The following EYS variants were observed in gnomAD, a reference collection of about 807,000 sequenced individuals.
The protein encoded by EYS is EGF-like photoreceptor maintenance factor.
In EYS, 250 loss-of-function variants were observed where a neutral mutation model predicts 282.1. That is an observed-to-expected ratio of 0.89 (90% CI 0.80 to 0.98). The LOEUF (loss-of-function observed/expected upper bound fraction) is 0.98, where lower values mean the gene tolerates loss of function less well. EYS is among the 50% of genes least tolerant of loss of function. The pLI, the probability that EYS is intolerant of heterozygous loss-of-function variation, is 0.00. For missense variants in EYS, 4,016 were observed against 3,709.0 expected, an observed-to-expected ratio of 1.08 and a Z score of -2.15; for synonymous variants, 1,355 against 1,282.9, an observed-to-expected ratio of 1.06 and a Z score of -1.20.
intron 36 of EYS, among the ~76,000 whole-genome samples, chr6:63,860,287 A>G (rs943911958): frequency 1.3e-5 from 2 of 152,212 alleles, no homozygotes; most frequent in African/African-American, 4.8e-5. Flanking sequence ...TTGTGACTCA[A>G]AAATATTGAA....
intron 2 of EYS, among the ~76,000 whole-genome samples, chr6:65,606,570 A>G (rs1765802707): frequency 6.6e-6 from 1 of 151,868 alleles, no homozygotes; most frequent in Non-Finnish European, 1.5e-5. Flanking sequence ...TTGGACAATG[A>G]CAATCGTAAT....
At chr6:63,994,091 G>A (rs1767725685) in intron 34 of EYS, among the ~76,000 whole-genome samples, 1 of 151,930 alleles carries the variant, frequency 6.6e-6, no homozygotes, top group African/African-American at 2.4e-5. Context: ...ATGCAAAAGA[G>A]TGTCATTTTA....
At chr6:65,580,833 C>A in intron 2 of EYS, among the ~76,000 whole-genome samples, 1 of 152,020 alleles carries the variant, frequency 6.6e-6, no homozygotes, top group Non-Finnish European at 1.5e-5. Flanking sequence ...CTTCAAGTGT[C>A]ATGTCTCCCC....
At chr6:65,490,455 A>G (rs1360724588) in intron 5 of EYS, 139 bp downstream of exon 5, 2 of 577,470 alleles carry the variant, frequency 3.5e-6, no homozygotes, top group Non-Finnish European at 6.3e-6. Context: ...ATTAAACTTT[A>G]CCATAAAAGA....
intron 22 of EYS, among the ~76,000 whole-genome samples, chr6:64,672,551 A>G (rs1200803137): frequency 6.6e-6 from 1 of 152,166 alleles, no homozygotes; most frequent in African/African-American, 2.4e-5. Flanking sequence ...TATGATGGGG[A>G]TATTGTATTG....
chr6:65,027,329 A>C (rs2150141814), intron 13 of EYS, among the ~76,000 whole-genome samples: 1 of 152,310 alleles, frequency 6.6e-6, no homozygotes, highest in East Asian at 1.9e-4. Context: ...AAACTTTTCT[A>C]ATAAATCTGA....
At chr6:64,709,208 T>G (rs1771127051) in intron 22 of EYS, among the ~76,000 whole-genome samples, 1 of 152,200 alleles carries the variant, frequency 6.6e-6, no homozygotes, top group Non-Finnish European at 1.5e-5. Context: ...GCATGTATAT[T>G]TTTATAACTT....
intron 29 of EYS, chr6:64,377,772 A>G (rs1456412967): frequency 2.0e-5 from 3 of 152,068 alleles, no homozygotes; most frequent in Admixed American, 2.0e-4. Context: ...CGATCTCTCC[A>G]TTGTGGTCTA....
intron 28 of EYS, among the ~76,000 whole-genome samples, chr6:64,431,302 C>T (rs1013695977): frequency 6.6e-6 from 1 of 152,042 alleles, no homozygotes; most frequent in African/African-American, 2.4e-5. Flanking sequence ...TATAAAAACA[C>T]CAATTATATT....
intron 2 of EYS, among the ~76,000 whole-genome samples, chr6:65,590,860 T>A (rs927176479): frequency 6.6e-6 from 1 of 152,180 alleles, no homozygotes; most frequent in Non-Finnish European, 1.5e-5. Flanking sequence ...ATACCACTTT[T>A]TTTTTTTATC....
intron 14 of EYS, among the ~76,000 whole-genome samples, chr6:64,978,072 A>G (rs1770531924): frequency 6.6e-6 from 1 of 151,988 alleles, no homozygotes; most frequent in African/African-American, 2.4e-5. Flanking sequence ...TGACTACACT[A>G]AACAACACAT....
intron 12 of EYS, among the ~76,000 whole-genome samples, chr6:65,165,396 A>C (rs1050792155): frequency 3.3e-5 from 5 of 150,976 alleles, no homozygotes; most frequent in Non-Finnish European, 5.9e-5. Context: ...GTCTACTTGT[A>C]ATAAATTCAG....
chr6:65,126,143 C>T (rs1291061533), intron 12 of EYS, among the ~76,000 whole-genome samples: 1 of 152,074 alleles, frequency 6.6e-6, no homozygotes, highest in African/African-American at 2.4e-5. Context: ...GTGGCATCAA[C>T]ATTTTACCTT....
At position 64,457,163 on chromosome 6, in the gene EYS, T is replaced by C. The variant is rs546844527; in HGVS notation, c.5645-17811A>G. Among the ~76,000 whole-genome samples, 3 of 152,146 alleles carry C rather than the reference T, an allele frequency of 2.0e-5. No homozygotes were observed. The East Asian group carries it at 5.8e-4, about 29-fold the overall frequency. On this transcript the variant is annotated intron_variant, in intron 26 of 42. Transcript: ENST00000503581. ...TAGAAGCATGTTAATTTGTATGTAT[T>C]TGTTAATTTTCCAATATTTCTTTTG...
intron 35 of EYS, among the ~76,000 whole-genome samples, chr6:63,878,710 G>A (rs942546927): frequency 7.9e-5 from 12 of 152,280 alleles, no homozygotes; most frequent in Non-Finnish European, 1.3e-4. Flanking sequence ...CTGTCACCTC[G>A]TAGTTCAATC....
At chr6:65,627,793 G>A (rs1362995297) in intron 2 of EYS, among the ~76,000 whole-genome samples, 1 of 152,190 alleles carries the variant, frequency 6.6e-6, no homozygotes, top group Non-Finnish European at 1.5e-5. Flanking sequence ...GGTAGGGCTC[G>A]GGACCTGCAG....
At chr6:63,953,670 C>G (rs556741760) in intron 35 of EYS, among the ~76,000 whole-genome samples, 67 of 152,220 alleles carry the variant, frequency 4.4e-4, no homozygotes, top group African/African-American at 1.5e-3. Flanking sequence ...CCTAGCTGAC[C>G]CCATAAATCC....
intron 11 of EYS, among the ~76,000 whole-genome samples, chr6:65,314,488 TAATGTGTCTTCATC>T (rs1237424964): frequency 7.0e-6 from 1 of 143,074 alleles, no homozygotes; most frequent in East Asian, 2.0e-4. Context: ...AACATTTGCT[TAATGTGTCTTCATC>T]AATCCTTAAA....
At chr6:63,995,912 T>C (rs950657910) in intron 34 of EYS, among the ~76,000 whole-genome samples, 1 of 151,944 alleles carries the variant, frequency 6.6e-6, no homozygotes, top group African/African-American at 2.4e-5. Context: ...TAGTTAATAA[T>C]AACATATTTA....
Sources: gnomAD v4.1 joint callset for allele counts (sites outside exome capture counted in the v4.1 genomes callset) on GRCh38, gnomAD v4.1.1 for gene constraint, MANE v1.5 for transcripts, NCBI Gene and HGNC (gene_info 2026-07-23, HGNC 2026-07-21) for gene names.